Variants in MCTP1 observed in about 807,000 individuals in gnomAD.
The protein encoded by MCTP1 is multiple C2 and transmembrane domain-containing protein 1.
A neutral mutation model predicts 120.6 loss-of-function variants in MCTP1; 69 were observed. The ratio of observed to expected loss-of-function variants is 0.57; its 90% CI spans 0.47 to 0.70. The LOEUF (loss-of-function observed/expected upper bound fraction) is 0.70. MCTP1 is among the 30% of genes least tolerant of loss of function. MCTP1 has a pLI of 0.00. For missense variants in MCTP1, 1,203 were observed against 1,248.8 expected (o/e 0.96, Z 0.55); for synonymous variants, 529 against 493.1 (o/e 1.07, Z -0.96).
intron 12 of MCTP1, among the ~76,000 whole-genome samples, chr5:94,883,009 T>A (rs183857227): frequency 6.6e-5 from 10 of 152,318 alleles, no homozygotes; most frequent in Admixed American, 2.0e-4. Flanking sequence ...GAAGAACACT[T>A]TTCCTATAAT....
intron 1 of MCTP1, among the ~76,000 whole-genome samples, chr5:95,175,682 G>A (rs555009597): frequency 2.0e-4 from 31 of 152,224 alleles, no homozygotes; most frequent in African/African-American, 7.5e-4. Flanking sequence ...CAGATTTTCA[G>A]CACAACTGGA....
chr5:95,115,551 G>A (rs184682534), intron 1 of MCTP1, among the ~76,000 whole-genome samples: 1 of 151,956 alleles, frequency 6.6e-6, no homozygotes, highest in African/African-American at 2.4e-5. Flanking sequence ...AAGAATAAAT[G>A]AGTTTGCTGA....
intron 1 of MCTP1, among the ~76,000 whole-genome samples, chr5:95,200,553 T>G (rs947286874): frequency 6.6e-6 from 1 of 152,150 alleles, no homozygotes; most frequent in Non-Finnish European, 1.5e-5. Flanking sequence ...TGCAACAACA[T>G]AGATGAAGCT....
rs139692815 is a variant in MCTP1 at position 95,166,393 on chromosome 5, T to C, written c.720+117463A>G. Among the ~76,000 whole-genome samples, 4 of 152,284 alleles carry C rather than the reference T, an allele frequency of 2.6e-5. No individual in the cohort carries two copies. In the East Asian group the frequency reaches 7.7e-4, roughly 29 times the overall value. On this transcript the variant is annotated intron_variant, in intron 1 of 22. Transcript: ENST00000515393. ...TCATAAAAATGCAGGTAAGTGTATG[T>C]TTCATAAAACCACTTAAGAGATAGA... is the stretch of plus-strand genomic sequence containing the variant.
chr5:94,782,361 A>C (rs950703031), intron 18 of MCTP1, among the ~76,000 whole-genome samples: 1 of 152,134 alleles, frequency 6.6e-6, no homozygotes, highest in Non-Finnish European at 1.5e-5. Context: ...AGAAGTGTGG[A>C]TAAAGATTCC....
intron 1 of MCTP1, among the ~76,000 whole-genome samples, chr5:95,141,761 C>G (rs551993515): frequency 6.6e-6 from 1 of 151,964 alleles, no homozygotes; most frequent in East Asian, 1.9e-4. Flanking sequence ...TCTGGTGTGC[C>G]AGTGCTGGTT....
At chr5:94,739,512 AGAT>A (rs1403631786) in intron 19 of MCTP1, 1 of 152,238 alleles carries the variant, frequency 6.6e-6, no homozygotes, top group Non-Finnish European at 1.5e-5. Context: ...TCGAATAAGA[AGAT>A]GAGTTGATCT....
At chr5:95,112,801 A>C (rs1361304532) in intron 1 of MCTP1, among the ~76,000 whole-genome samples, 2 of 152,232 alleles carry the variant, frequency 1.3e-5, no homozygotes, top group African/African-American at 4.8e-5. Context: ...CTTGACAGAG[A>C]ACATGGAAGA....
chr5:95,196,066 G>C (rs1460743146), intron 1 of MCTP1, among the ~76,000 whole-genome samples: 1 of 152,084 alleles, frequency 6.6e-6, no homozygotes, highest in Non-Finnish European at 1.5e-5. Context: ...CTCATTCCTG[G>C]ATATGTTTAT....
intron 17 of MCTP1, among the ~76,000 whole-genome samples, chr5:94,814,072 C>G (rs1783988466): frequency 6.6e-6 from 1 of 152,076 alleles, no homozygotes; most frequent in Non-Finnish European, 1.5e-5. Context: ...GAAGGATCCT[C>G]TGAGGTGATG....
intron 18 of MCTP1, among the ~76,000 whole-genome samples, chr5:94,780,324 G>A (rs1456361955): frequency 6.6e-6 from 1 of 151,634 alleles, no homozygotes; most frequent in Admixed American, 6.6e-5. Context: ...TAATAACCAA[G>A]ACTGTATTAT....
At chr5:94,809,425 G>A (rs1690295027) in intron 17 of MCTP1, among the ~76,000 whole-genome samples, 1 of 152,024 alleles carries the variant, frequency 6.6e-6, no homozygotes, top group African/African-American at 2.4e-5. Context: ...AGAAATCCCT[G>A]CAATGTTGTG....
chr5:94,953,028 GGAGAAGAATGCCCCTGCT>G (rs1561914148), intron 3 of MCTP1, among the ~76,000 whole-genome samples, 173 bp downstream of exon 3: 1 of 141,830 alleles, frequency 7.1e-6, no homozygotes, highest in East Asian at 2.3e-4. Flanking sequence ...GAACTGTCCT[GGAGAAGAATGCCCCTGCT>G]AGCTCCTCCT....
rs56757960 is a variant in MCTP1 at position 94,903,710 on chromosome 5, T to C, written c.1652+5541A>G. ...CCTGAGAACAATGCAACGAAGTCAG[T>C]AGCAATTCACCAACCTAAAATATAT... is the stretch of plus-strand genomic sequence containing the variant. On this transcript the variant is annotated intron_variant, in intron 10 of 22. Transcript: ENST00000515393. 1.4e-3 allele frequency among the ~76,000 whole-genome samples: 213 copies of C among 152,328 alleles called. 1 individual carries two copies. The highest frequency in any genetic ancestry group is 4.8e-3 in the African/African-American group (198 of 41,584).
rs368172405 is a variant in MCTP1 at position 95,284,395 on chromosome 5, G to T, written c.181C>A (p.Pro61Thr). Reference protein sequence around the residue: ...ADTPSPSPPPPVGTGNAPARG... With the variant: ...ADTPSPSPPPTVGTGNAPARG... ...GCCGGTGCATTCCCTGTGCCCACCG[G>T]GGGTGGCGGGGAGGGCGACGGGGTG... The change falls in exon 1 of 23, where the codon CCG becomes ACG. Residue 61 changes from proline to threonine, a missense_variant. By Grantham distance (38) the Pro-to-Thr change is conservative. This residue lies in a region of MCTP1 where 463 missense variants were observed against 377.8 expected (regional missense o/e 1.23). Coordinates refer to ENST00000515393, the MANE Select transcript of MCTP1 (RefSeq NM_024717.7). This position sits in a 1 kb window ranked among gnomAD's most constrained non-coding sequence, Gnocchi z 5.2. The T allele has an allele frequency of 5.0e-6, 8 of 1,591,428 alleles. No individual in the cohort carries two copies. The highest frequency in any genetic ancestry group is 1.3e-5 in the African/African-American group (1 of 74,254).
chr5:94,966,795 G>GAA (rs1231140774), intron 2 of MCTP1, among the ~76,000 whole-genome samples: 2 of 137,328 alleles, frequency 1.5e-5, no homozygotes. Flanking sequence ...ACTCTGTCTC[G>GAA]AAAAAAAAAA....
At chr5:95,182,993 T>C (rs1476292859) in intron 1 of MCTP1, among the ~76,000 whole-genome samples, 7 of 143,466 alleles carry the variant, frequency 4.9e-5, no homozygotes, top group Non-Finnish European at 7.5e-5. Flanking sequence ...ACCATTGCAC[T>C]CCAGCCTGGG....
intron 18 of MCTP1, among the ~76,000 whole-genome samples, chr5:94,794,620 C>A (rs1038444461): frequency 5.3e-5 from 8 of 152,170 alleles, no homozygotes; most frequent in African/African-American, 1.9e-4. Context: ...GCTTACTTAT[C>A]CTCCTTGATA....
intron 12 of MCTP1, among the ~76,000 whole-genome samples, chr5:94,874,276 T>C (rs1031107755): frequency 6.6e-6 from 1 of 152,134 alleles, no homozygotes; most frequent in Non-Finnish European, 1.5e-5. Flanking sequence ...AGTTTACACT[T>C]CTGCAAAAGC....
Sources: allele counts gnomAD v4.1 joint callset (sites outside exome capture counted in the v4.1 genomes callset), GRCh38; gene constraint gnomAD v4.1.1; regional missense constraint gnomAD v4.1.1; non-coding constraint Gnocchi (gnomAD v3.1); transcripts MANE v1.5; gene names NCBI Gene and HGNC (gene_info 2026-07-23, HGNC 2026-07-21).